DSG1: variants seen among roughly 807,000 people sequenced by gnomAD.
DSG1 encodes desmoglein 1.
DSG1 carries 39 observed loss-of-function variants against 97.5 expected under a neutral mutation model. The observed-to-expected ratio is 0.40, with a 90% CI of 0.31 to 0.52. The LOEUF (loss-of-function observed/expected upper bound fraction) is 0.52. Ranked by LOEUF, DSG1 falls within the 20% of genes least tolerant of loss-of-function variation. The pLI is 0.53. For synonymous variants in DSG1, 475 were observed against 443.4 expected (o/e 1.07, Z -0.90); for missense variants, 1,311 against 1,295.4 (o/e 1.01, Z -0.18).
chr18:31,335,203 A>T (rs1234040352), intron 8 of DSG1, among the ~76,000 whole-genome samples: 1 of 152,106 alleles, frequency 6.6e-6, no homozygotes, highest in South Asian at 2.1e-4. Flanking sequence ...AGGTTATATT[A>T]TTTCCATATT....
chr18:31,355,414 A>G lies in DSG1; in HGVS notation c.*68A>G. The G allele has an allele frequency of 2.0e-6, 3 of 1,466,404 alleles. No homozygotes were observed. Among genetic ancestry groups the G allele is most frequent in the Non-Finnish European group, 2.8e-6 (3 of 1,056,900 alleles). The allele number at this position is 1,466,404 out of a possible 1,614,324, so 90.8% of individuals were successfully genotyped here. A position where few individuals can be genotyped will look rare whatever the true frequency, so the allele number is the denominator to read the frequency against. ...TCCAATTCCCACCACTAAAAAACCA[A>G]CAATGTGATTTATAACGCACAACTT... On this transcript the variant is annotated 3_prime_UTR_variant, in exon 15 of 15. Transcript: ENST00000257192.
rs1438483360 is a variant in DSG1, at chr18:31,337,241, TTTTGTTTGTTTGTTTGTTG to T, written c.1265+640_1265+658del. ...ATGCATTTTTTGTTGTTTGGGGGTT[TTTTGTTTGTTTGTTTGTTG>T]TTTGTTTGTTTTTTGAGACAGAGTT... On this transcript the variant is annotated intron_variant, in intron 9 of 14. Transcript: ENST00000257192. Among the ~76,000 whole-genome samples the T allele has an allele frequency of 1.1e-4, 17 of 151,882 alleles. No individual in the cohort carries two copies. In the East Asian group the frequency reaches 3.3e-3, roughly 29 times the overall value.
chr18:31,337,542 C>T (rs1184068552), intron 9 of DSG1, among the ~76,000 whole-genome samples: 4 of 152,168 alleles, frequency 2.6e-5, no homozygotes, highest in Admixed American at 6.5e-5. Context: ...CTTAAGCCAC[C>T]GCACTCAGCC....
intron 1 of DSG1, among the ~76,000 whole-genome samples, chr18:31,319,113 T>C (rs1451078213): frequency 6.6e-6 from 1 of 152,186 alleles, no homozygotes; most frequent in Non-Finnish European, 1.5e-5. Flanking sequence ...TACTTTATCA[T>C]TGCCCCCTTA....
In DSG1 at chr18:31,319,381, T is replaced by C. The variant is rs140733585; in HGVS notation, c.48+1033T>C. Among the ~76,000 whole-genome samples, 55 of 152,320 alleles carry C rather than the reference T, an allele frequency of 3.6e-4. No homozygotes were observed. The East Asian group carries it at 9.6e-3, about 27-fold the overall frequency. ...TGGTATAATAAGTTAGATCTTTGATTCAAAGTATGCTGGTTAGTTTGAATT... is the reference window on the plus strand; with the variant it reads ...TGGTATAATAAGTTAGATCTTTGATCCAAAGTATGCTGGTTAGTTTGAATT... On this transcript the variant is annotated intron_variant, in intron 1 of 14. Transcript: ENST00000257192.
At chr18:31,323,090 A>G (rs2071663832) in intron 1 of DSG1, among the ~76,000 whole-genome samples, 1 of 152,178 alleles carries the variant, frequency 6.6e-6, no homozygotes, top group African/African-American at 2.4e-5. Context: ...AGTCTCATAT[A>G]CAGCTGAGGA....
At chr18:31,337,637 A>G (rs1400597772) in intron 9 of DSG1, among the ~76,000 whole-genome samples, 2 of 152,274 alleles carry the variant, frequency 1.3e-5, no homozygotes, top group Non-Finnish European at 2.9e-5. Context: ...ACACTGTACC[A>G]TGTTGCTGAT....
chr18:31,326,165 T>C (rs1002929118), intron 1 of DSG1, among the ~76,000 whole-genome samples: 2 of 152,042 alleles, frequency 1.3e-5, no homozygotes, highest in African/African-American at 4.8e-5. Context: ...ATATTTTCTT[T>C]AATGCTACAA....
chr18:31,324,553 A>G (rs1598697196), intron 1 of DSG1, among the ~76,000 whole-genome samples: 1 of 152,116 alleles, frequency 6.6e-6, no homozygotes, highest in East Asian at 1.9e-4. Context: ...TCTCAAACTC[A>G]ATGTGTTCTA....
At position 31,339,986 on chromosome 18, in the gene DSG1, G is replaced by A. The variant is rs1386292439; in HGVS notation, c.1648G>A (p.Gly550Ser). The change falls in exon 11 of 15, where the codon GGC becomes AGC. Residue 550 changes from glycine to serine, a missense_variant. Coordinates refer to ENST00000257192, the MANE Select transcript of DSG1 (RefSeq NM_001942.4). ...LSDNVHFGPA[G>S]IGLLIMGFLV... ...AGACAATGTACATTTTGGTCCTGCTGGCATTGGACTCCTCATCATGGGATT... is the reference window on the plus strand; with the variant it reads ...AGACAATGTACATTTTGGTCCTGCTAGCATTGGACTCCTCATCATGGGATT... 1.2e-6 allele frequency: 2 copies of A among 1,613,896 alleles called. No homozygotes were observed. The highest frequency in any genetic ancestry group is 1.7e-5 in the Admixed American group (1 of 60,000).
At chr18:31,326,749 A>C in intron 2 of DSG1, 125 bp from the exon 3 acceptor site, 3 of 1,373,190 alleles carry the variant, frequency 2.2e-6, no homozygotes, top group Non-Finnish European at 3.1e-6. Flanking sequence ...GATTACCAAA[A>C]TTACCAATTT....
At chr18:31,340,437 G>A (rs1339807867) in intron 11 of DSG1, among the ~76,000 whole-genome samples, 2 of 151,448 alleles carry the variant, frequency 1.3e-5, no homozygotes, top group African/African-American at 2.4e-5. Flanking sequence ...TGAAGCCCAC[G>A]TCTCTACTAA....
Position 31,355,333 on chromosome 18 carries a change from A to G in DSG1, c.3137A>G (p.Gln1046Arg). ...RSRITKYSTVQYSK is the reference protein window; with the variant it reads ...RSRITKYSTVRYSK ...CGAATCACAAAGTATAGTACCGTGC[A>G]ATATAGCAAGTAGTCAGGACCCCAG... is the stretch of plus-strand genomic sequence containing the variant. Residue 1046 changes from glutamine to arginine, a missense_variant, in exon 15 of 15, where the codon CAA becomes CGA. Coordinates refer to ENST00000257192, the MANE Select transcript of DSG1 (RefSeq NM_001942.4). 1 of 1,614,182 alleles carries G rather than the reference A, an allele frequency of 6.2e-7. No individual in the cohort carries two copies. Among genetic ancestry groups the G allele is most frequent in the Non-Finnish European group, 8.5e-7 (1 of 1,180,024 alleles).
In DSG1 at chr18:31,325,935, T is replaced by C. The variant is rs1453341768; in HGVS notation, c.49-646T>C. On this transcript the variant is annotated intron_variant, in intron 1 of 14. Transcript: ENST00000257192. ...GTATTTGTTGTAAAGATTAAGTGCATAGATTTACATAAATACATAACCTAA... is the reference window on the plus strand; with the variant it reads ...GTATTTGTTGTAAAGATTAAGTGCACAGATTTACATAAATACATAACCTAA... 2.0e-5 allele frequency among the ~76,000 whole-genome samples: 3 copies of C among 152,106 alleles called. No homozygotes were observed. In the East Asian group the frequency reaches 5.8e-4, roughly 29 times the overall value.
At chr18:31,321,840 T>C (rs1372707524) in intron 1 of DSG1, among the ~76,000 whole-genome samples, 1 of 152,168 alleles carries the variant, frequency 6.6e-6, no homozygotes, top group African/African-American at 2.4e-5. Context: ...AACACATTCA[T>C]CAAAGACCTG....
Position 31,338,417 on chromosome 18 carries a change from C to T in DSG1, c.1368C>T (p.Leu456=), listed in dbSNP as rs150549762. Residue 456 remains leucine (L), a synonymous_variant, in exon 10 of 15, where the codon CTC becomes CTT. Coordinates refer to ENST00000257192, the MANE Select transcript of DSG1 (RefSeq NM_001942.4). Reference sequence around the variant, plus strand: ...TTACCAAGGAACAGTACAATATGCTCGGAGGAAAATACCAAGGAACGATTC... The same window carrying T: ...TTACCAAGGAACAGTACAATATGCTTGGAGGAAAATACCAAGGAACGATTC... ...NKVTKEQYNM[L]GGKYQGTILS... 2.4e-5 allele frequency: 38 copies of T among 1,613,326 alleles called. No homozygotes were observed. The highest frequency in any genetic ancestry group is 3.3e-4 in the Middle Eastern group (2 of 6,078).
Position 31,354,331 on chromosome 18 carries a change from G to T in DSG1, c.2135G>T (p.Arg712Leu), listed in dbSNP as rs372022015. The part of the protein sequence containing the change: ...AYAYADEDEG[R>L]PSNDCLLIYD... ...GCTTACGCAGATGAAGATGAAGGAC[G>T]CCCATCTAATGACTGTTTGCTCATA... is the stretch of plus-strand genomic sequence containing the variant. The change falls in exon 15 of 15, where the codon CGC (arginine) becomes CTC (leucine). Residue 712 changes from arginine to leucine, a missense_variant. Physicochemically the swap from Arg to Leu is moderately radical, Grantham distance 102. This residue lies in a region of DSG1 where 1,038 missense variants were observed against 964.6 expected (regional missense o/e 1.08). Transcript: ENST00000257192. The T allele has an allele frequency of 4.3e-6, 7 of 1,614,056 alleles. No individual in the cohort carries two copies. The African/African-American group carries it at 8.0e-5, about 18-fold the overall frequency.
rs1403860622 is a variant in DSG1, at chr18:31,357,708, G to C, written c.*2362G>C. 6.6e-6 allele frequency among the ~76,000 whole-genome samples: 1 copy of C among 151,864 alleles called. No homozygotes were observed. Among genetic ancestry groups the C allele is most frequent in the Non-Finnish European group, 1.5e-5 (1 of 67,858 alleles). On this transcript the variant is annotated 3_prime_UTR_variant, in exon 15 of 15. Coordinates refer to ENST00000257192, the MANE Select transcript of DSG1 (RefSeq NM_001942.4). Reference sequence around the variant, plus strand: ...GATGGGAAAAACAAGAAAAAACATGGCCATTTGAGTCATTGAGTCATCTAT... The same window carrying C: ...GATGGGAAAAACAAGAAAAAACATGCCCATTTGAGTCATTGAGTCATCTAT...
chr18:31,324,636 T>C (rs1432945639), intron 1 of DSG1, among the ~76,000 whole-genome samples: 1 of 152,136 alleles, frequency 6.6e-6, no homozygotes, highest in Non-Finnish European at 1.5e-5. Flanking sequence ...GCTTCCTCCC[T>C]CTCTCGAACA....
Sources: gnomAD v4.1 joint callset for allele counts (sites outside exome capture counted in the v4.1 genomes callset) on GRCh38, gnomAD v4.1.1 for gene constraint, gnomAD v4.1.1 regional missense constraint, MANE v1.5 for transcripts, NCBI Gene and HGNC (gene_info 2026-07-23, HGNC 2026-07-21) for gene names.